ARHGAP26: variants seen among roughly 807,000 people sequenced by gnomAD.
ARHGAP26 encodes the protein rho GTPase-activating protein 26.
A neutral mutation model predicts 104.8 loss-of-function variants in ARHGAP26; 38 were observed. That is an observed-to-expected ratio of 0.36 (90% CI 0.28 to 0.48). ARHGAP26 has a LOEUF of 0.48. Ranked by LOEUF, ARHGAP26 falls within the 20% of genes least tolerant of loss-of-function variation. The pLI, the probability that ARHGAP26 is intolerant of heterozygous loss-of-function variation, is 0.99. For missense variants in ARHGAP26, 704 were observed against 947.9 expected, an observed-to-expected ratio of 0.74 and a Z score of 3.38; for synonymous variants, 341 against 340.0, an observed-to-expected ratio of 1.00 and a Z score of -0.03.
intron 11 of ARHGAP26, among the ~76,000 whole-genome samples, chr5:142,999,733 G>T (rs913915741): frequency 6.6e-6 from 1 of 152,066 alleles, no homozygotes; most frequent in African/African-American, 2.4e-5. Context: ...TTATGTAATA[G>T]GACATAGAAA....
intron 13 of ARHGAP26, 72 bp downstream of exon 13, chr5:143,037,333 C>T (rs1782815492): frequency 1.5e-6 from 2 of 1,292,464 alleles, no homozygotes; most frequent in South Asian, 2.9e-5. Flanking sequence ...GACCTGCTAC[C>T]TGCTGTTTCC....
chr5:142,850,166 CT>C (rs1751236492), intron 1 of ARHGAP26, among the ~76,000 whole-genome samples: 1 of 152,198 alleles, frequency 6.6e-6, no homozygotes, highest in Non-Finnish European at 1.5e-5. Flanking sequence ...TTGTCCCCTT[CT>C]TTTGGCCCTA....
intron 17 of ARHGAP26, among the ~76,000 whole-genome samples, chr5:143,111,525 A>G (rs140248712): frequency 1.3e-3 from 194 of 152,334 alleles, no homozygotes; most frequent in African/African-American, 4.4e-3. Flanking sequence ...GGGAGTGGTT[A>G]TCCCTGGCTC....
intron 17 of ARHGAP26, among the ~76,000 whole-genome samples, chr5:143,116,710 G>C (rs919497242): frequency 1.3e-5 from 2 of 152,174 alleles, no homozygotes; most frequent in Non-Finnish European, 2.9e-5. Flanking sequence ...GCCTCTCAAA[G>C]GACATCAGAC....
intron 1 of ARHGAP26, among the ~76,000 whole-genome samples, chr5:142,784,670 C>T (rs930699625): frequency 3.3e-5 from 5 of 152,054 alleles, no homozygotes; most frequent in Admixed American, 6.6e-5. Flanking sequence ...TGGGGGTAGG[C>T]GATGGTAGGC....
At chr5:142,815,547 G>A (rs75289392) in intron 1 of ARHGAP26, among the ~76,000 whole-genome samples, 1,676 of 152,246 alleles carry the variant, frequency 0.011, 37 homozygotes, top group African/African-American at 0.039. Flanking sequence ...AAGTGATGAG[G>A]GTCATGGATT....
intron 11 of ARHGAP26, among the ~76,000 whole-genome samples, chr5:142,947,574 T>C (rs971704097): frequency 2.0e-5 from 3 of 152,216 alleles, no homozygotes; most frequent in African/African-American, 7.2e-5. Context: ...GTTATAACCT[T>C]AAAATTTTTG....
intron 11 of ARHGAP26, among the ~76,000 whole-genome samples, chr5:142,949,035 G>A (rs1767613646): frequency 6.6e-6 from 1 of 151,752 alleles, no homozygotes; most frequent in African/African-American, 2.4e-5. Flanking sequence ...AACCTGGGGG[G>A]CGGAGGTTGC....
chr5:142,951,867 T>C (rs1768436373), intron 11 of ARHGAP26, among the ~76,000 whole-genome samples: 1 of 152,244 alleles, frequency 6.6e-6, no homozygotes, highest in Non-Finnish European at 1.5e-5. Context: ...TTCCACCAAC[T>C]GGGTGGGTTA....
intron 11 of ARHGAP26, among the ~76,000 whole-genome samples, chr5:142,945,966 G>A (rs866375051): frequency 6.6e-6 from 1 of 152,286 alleles, no homozygotes; most frequent in South Asian, 2.1e-4. Context: ...TAGAGGCTTG[G>A]CTTTTTAAAG....
intron 12 of ARHGAP26, among the ~76,000 whole-genome samples, chr5:143,018,151 A>G (rs1779842264): frequency 6.6e-6 from 1 of 152,176 alleles, no homozygotes; most frequent in Non-Finnish European, 1.5e-5. Flanking sequence ...TCTTCTGTTA[A>G]TTGCCTATTC....
chr5:143,048,088 A>T (rs1383979534), intron 14 of ARHGAP26, among the ~76,000 whole-genome samples: 1 of 152,110 alleles, frequency 6.6e-6, no homozygotes, highest in Non-Finnish European at 1.5e-5. Context: ...ACCTCAAGTG[A>T]TCCACCCACC....
At chr5:143,016,054 C>T (rs1779540361) in intron 12 of ARHGAP26, among the ~76,000 whole-genome samples, 1 of 152,120 alleles carries the variant, frequency 6.6e-6, no homozygotes, top group Non-Finnish European at 1.5e-5. Flanking sequence ...GAGAGACAAT[C>T]TAAATACCAA....
chr5:143,114,181 A>T (rs879613271), intron 17 of ARHGAP26, among the ~76,000 whole-genome samples: 2 of 152,192 alleles, frequency 1.3e-5, no homozygotes, highest in African/African-American at 4.8e-5. Flanking sequence ...ATTCCCAGGA[A>T]GATGTTAAAT....
At chr5:143,035,937 A>C (rs907042023) in intron 12 of ARHGAP26, among the ~76,000 whole-genome samples, 1 of 66,836 alleles carries the variant, frequency 1.5e-5, no homozygotes, top group Admixed American at 1.7e-4. Context: ...CCTTGTCTCA[A>C]AAAAAAAAAA....
rs1463469362 is a variant in ARHGAP26 at position 142,890,185 on chromosome 5, T to A, written c.487-4053T>A. Among the ~76,000 whole-genome samples the A allele has an allele frequency of 1.9e-4, 22 of 114,332 alleles. No homozygotes were observed. The South Asian group carries it at 2.5e-3, about 13-fold the overall frequency. The allele number at this position is 114,332 out of a possible 152,430, so 75.0% of individuals were successfully genotyped here. ...ATATATATATATATATATATATATA[T>A]ATATATATATATGAAAGTGCATTGC... On this transcript the variant is annotated intron_variant, in intron 5 of 22. Transcript: ENST00000645722.
In ARHGAP26 at chr5:143,126,724, A is replaced by G. The variant is rs575776050; in HGVS notation, c.1698+5577A>G. Among the ~76,000 whole-genome samples the G allele has an allele frequency of 9.8e-5, 15 of 152,332 alleles. No homozygotes were observed. In the South Asian group the frequency reaches 1.4e-3, roughly 15 times the overall value. ...TTACCGTGGACTCTCCTTGAATTAT[A>G]TGAGAACTAAAGAGTAGATTTGATG... On this transcript the variant is annotated intron_variant, in intron 18 of 22. Transcript: ENST00000645722.
chr5:143,069,825 G>A (rs546172535), intron 17 of ARHGAP26, among the ~76,000 whole-genome samples: 4 of 152,276 alleles, frequency 2.6e-5, no homozygotes, highest in African/African-American at 9.6e-5. Flanking sequence ...TTATGTGGAA[G>A]ATAAGACCAT....
At chr5:142,912,931 C>G (rs756449283) in intron 9 of ARHGAP26, among the ~76,000 whole-genome samples, 3 of 152,198 alleles carry the variant, frequency 2.0e-5, no homozygotes, top group Non-Finnish European at 4.4e-5. Context: ...AATGTCAACA[C>G]TCGTTTATCT....
Sources: gnomAD v4.1 joint callset for allele counts (sites outside exome capture counted in the v4.1 genomes callset) on GRCh38, gnomAD v4.1.1 for gene constraint, MANE v1.5 for transcripts, NCBI Gene and HGNC (gene_info 2026-07-23, HGNC 2026-07-21) for gene names.